ABCA5: variants seen among roughly 807,000 people sequenced by gnomAD.
ABCA5 encodes the protein cholesterol transporter ABCA5.
In ABCA5, 163 loss-of-function variants were observed where a neutral mutation model predicts 206.0. The observed-to-expected ratio is 0.79, with a 90% CI of 0.70 to 0.90. The LOEUF (loss-of-function observed/expected upper bound fraction) is 0.90. Among genes scored for constraint, ABCA5 ranks in the 40% least tolerant of loss-of-function variants. The pLI is 0.00. For synonymous variants in ABCA5, 609 were observed against 613.8 expected (o/e 0.99, Z 0.11); for missense variants, 1,859 against 1,912.9 (o/e 0.97, Z 0.53).
At position 69,303,807 on chromosome 17, in the gene ABCA5, T is replaced by C. The variant is rs56154227; in HGVS notation, c.930+862A>G. ...AAAAATATATATATATATATATATA[T>C]ACATACATATATATATATGTATATA... On this transcript the variant is annotated intron_variant, in intron 7 of 38. Transcript: ENST00000392676. Among the ~76,000 whole-genome samples the C allele has an allele frequency of 7.1e-3, 37 of 5,222 alleles. 9 individuals are homozygous for C. The highest frequency in any genetic ancestry group is 0.029 in the East Asian group (1 of 34). 3.4% of individuals were successfully genotyped at this position (5,222 alleles called of 152,430 possible). A position where few individuals can be genotyped will look rare whatever the true frequency, so the allele number is the denominator to read the frequency against.
At chr17:69,320,582 T>G (rs190124673) in intron 1 of ABCA5, among the ~76,000 whole-genome samples, 58 of 152,302 alleles carry the variant, frequency 3.8e-4, no homozygotes, top group Admixed American at 2.1e-3. Flanking sequence ...CTTCATAGTA[T>G]GAAATACATG....
chr17:69,254,530 T>C (rs547238477), intron 31 of ABCA5, 40 bp from the exon 32 acceptor site: 2 of 1,566,946 alleles, frequency 1.3e-6, no homozygotes, highest in Admixed American at 3.6e-5. Flanking sequence ...TTTGCTTAAT[T>C]TACACTGTGA....
intron 22 of ABCA5, among the ~76,000 whole-genome samples, chr17:69,268,440 T>C (rs575287124): frequency 8.3e-4 from 126 of 152,182 alleles, no homozygotes; most frequent in African/African-American, 2.9e-3. Flanking sequence ...TATCTAAGAA[T>C]GATATTTGTT....
At chr17:69,277,416 T>C (rs1338056920) in intron 19 of ABCA5, among the ~76,000 whole-genome samples, 1 of 152,186 alleles carries the variant, frequency 6.6e-6, no homozygotes, top group Non-Finnish European at 1.5e-5. Flanking sequence ...TGTTATTTCC[T>C]CACTTTATAG....
At chr17:69,286,062 T>C in intron 16 of ABCA5, 25 bp from the exon 17 acceptor site, 1 of 1,594,952 alleles carries the variant, frequency 6.3e-7, no homozygotes, top group Non-Finnish European at 8.5e-7. Flanking sequence ...AAATCACAAT[T>C]AATGATTATA....
chr17:69,255,499 A>G (rs1242848459), intron 31 of ABCA5, 44 bp downstream of exon 31: 1 of 1,191,184 alleles, frequency 8.4e-7, no homozygotes, highest in African/African-American at 1.6e-5. Context: ...TTAATTAACA[A>G]TATAAATCAC....
intron 5 of ABCA5, 68 bp downstream of exon 5, chr17:69,308,212 G>T: frequency 9.7e-7 from 1 of 1,028,562 alleles, no homozygotes; most frequent in East Asian, 2.5e-5. Context: ...AAATACTATT[G>T]TAAAGAATAA....
At chr17:69,298,309 AG>A in intron 9 of ABCA5, among the ~76,000 whole-genome samples, 1 of 109,000 alleles carries the variant, frequency 9.2e-6, no homozygotes. Flanking sequence ...AGAAAGAAAG[AG>A]AGAGAGAGGA....
rs58369537 is a variant in ABCA5, at chr17:69,263,697, C to CTTTTTTTTTTTTTTTTT, written c.3315+1021_3315+1037dup. Among the ~76,000 whole-genome samples, 212 of 103,644 alleles carry CTTTTTTTTTTTTTTTTT rather than the reference C, an allele frequency of 2.0e-3. 18 individuals are homozygous for CTTTTTTTTTTTTTTTTT. Among genetic ancestry groups the CTTTTTTTTTTTTTTTTT allele is most frequent in the African/African-American group, 8.4e-3 (190 of 22,678 alleles). The allele number at this position is 103,644 out of a possible 152,430, so 68.0% of individuals were successfully genotyped here. A position where few individuals can be genotyped will look rare whatever the true frequency, so the allele number is the denominator to read the frequency against. On this transcript the variant is annotated intron_variant, in intron 24 of 38. Coordinates refer to ENST00000392676, the MANE Select transcript of ABCA5 (RefSeq NM_172232.4). ...GGCTTTGTTCTTTTTACATGGATTC[C>CTTTTTTTTTTTTTTTTT]TTTTTTTTTTTTTTTTTGATAAAAA...
In ABCA5 at chr17:69,314,496, C is replaced by T. The variant is rs146888179; in HGVS notation, c.-15-66G>A. 1.9e-3 allele frequency: 1,826 copies of T among 951,806 alleles called. 22 individuals are homozygous for T. The African/African-American group carries it at 0.025, about 13-fold the overall frequency. The allele number at this position is 951,806 out of a possible 1,614,324, so 59.0% of individuals were successfully genotyped here. On this transcript the variant is annotated intron_variant, in intron 1 of 38. Coordinates refer to ENST00000392676, the MANE Select transcript of ABCA5 (RefSeq NM_172232.4). ...GCAGTAAACTGCATGTAATTTTTAA[C>T]GGCAAAATAAGCAGCTGTTTCAGTC...
At chr17:69,293,113 T>C (rs536725339) in intron 11 of ABCA5, among the ~76,000 whole-genome samples, 123 of 152,188 alleles carry the variant, frequency 8.1e-4, no homozygotes, top group African/African-American at 2.9e-3. Flanking sequence ...TGTTTAGCAG[T>C]GTGCCAGGGA....
chr17:69,266,541 C>G (rs1399523470), intron 23 of ABCA5, among the ~76,000 whole-genome samples: 1 of 148,860 alleles, frequency 6.7e-6, no homozygotes, highest in Non-Finnish European at 1.5e-5. Flanking sequence ...ACAATGTGCA[C>G]ATGTACCCTA....
At chr17:69,290,172 C>T (rs998415888) in intron 12 of ABCA5, 135 bp from the exon 13 acceptor site, 4 of 549,176 alleles carry the variant, frequency 7.3e-6, no homozygotes, top group Admixed American at 3.6e-5. Context: ...CAAGGCACAA[C>T]ACACCCTTCA....
At chr17:69,320,092 GC>G (rs1378234333) in intron 1 of ABCA5, among the ~76,000 whole-genome samples, 1 of 152,152 alleles carries the variant, frequency 6.6e-6, no homozygotes. Flanking sequence ...GAAAATGGTG[GC>G]TTGTACATGG....
intron 5 of ABCA5, among the ~76,000 whole-genome samples, chr17:69,307,707 G>A (rs1039521950): frequency 3.3e-5 from 5 of 151,930 alleles, no homozygotes; most frequent in Non-Finnish European, 4.4e-5. Flanking sequence ...TGGTTCTTAC[G>A]ACAATGCTGT....
chr17:69,293,833 GGTGTGTGTGTGT>G (rs61315865), intron 11 of ABCA5, among the ~76,000 whole-genome samples: 2 of 123,724 alleles, frequency 1.6e-5, no homozygotes, highest in African/African-American at 3.0e-5. Flanking sequence ...CAATCATACT[GGTGTGTGTGTGT>G]GTGTGTGTGT....
At position 69,302,979 on chromosome 17, in the gene ABCA5, T is replaced by C. The variant is rs371362720; in HGVS notation, c.931-73A>G. 4 of 767,906 alleles carry C rather than the reference T, an allele frequency of 5.2e-6. No homozygotes were observed. The African/African-American group carries it at 7.3e-5, about 14-fold the overall frequency. 47.6% of individuals were successfully genotyped at this position (767,906 alleles called of 1,614,324 possible). ...TATGAAAACAAAATTAAAGTTTGCT[T>C]CTGAAAGAACAAGCTATTTTCATGA... On this transcript the variant is annotated intron_variant, in intron 7 of 38. Transcript: ENST00000392676.
At chr17:69,319,015 T>C (rs1030074055) in intron 1 of ABCA5, 2 of 454,432 alleles carry the variant, frequency 4.4e-6, no homozygotes, top group African/African-American at 4.0e-5. Flanking sequence ...AAAGGGCCTG[T>C]TTTACTATGA....
At chr17:69,248,818 A>G (rs1042146636) in intron 37 of ABCA5, 3 of 152,308 alleles carry the variant, frequency 2.0e-5, no homozygotes, top group Non-Finnish European at 4.4e-5. Context: ...TCGACCTCCC[A>G]GGCTCAAACA....
Sources: gnomAD v4.1 joint callset for allele counts (sites outside exome capture counted in the v4.1 genomes callset) on GRCh38, gnomAD v4.1.1 for gene constraint, MANE v1.5 for transcripts, NCBI Gene and HGNC (gene_info 2026-07-23, HGNC 2026-07-21) for gene names.